PLEKHH2: variants seen among roughly 807,000 people sequenced by gnomAD.
PLEKHH2 encodes the protein pleckstrin homology, MyTH4 and FERM domain containing H2.
PLEKHH2 carries 129 observed loss-of-function variants against 187.9 expected under a neutral mutation model. The ratio of observed to expected loss-of-function variants is 0.69; its 90% CI spans 0.59 to 0.79. The LOEUF is 0.79. Among genes scored for constraint, PLEKHH2 ranks in the 30% least tolerant of loss-of-function variants. The pLI is 0.00. For missense variants in PLEKHH2, 2,076 were observed against 1,751.2 expected (o/e 1.19, Z -3.31); for synonymous variants, 686 against 605.6 (o/e 1.13, Z -1.95).
chr2:43,659,934 T>C (rs998838533), intron 2 of PLEKHH2, among the ~76,000 whole-genome samples: 1 of 152,172 alleles, frequency 6.6e-6, no homozygotes, highest in African/African-American at 2.4e-5. Context: ...TTTGGGTGTT[T>C]AGTTCAAAGA....
intron 1 of PLEKHH2, among the ~76,000 whole-genome samples, chr2:43,639,894 T>C (rs752665751): frequency 6.6e-6 from 1 of 152,120 alleles, no homozygotes; most frequent in Non-Finnish European, 1.5e-5. Flanking sequence ...TGACCTCAGA[T>C]GATCCACCTG....
intron 24 of PLEKHH2, among the ~76,000 whole-genome samples, chr2:43,746,551 C>T (rs571604830): frequency 1.3e-5 from 2 of 151,924 alleles, no homozygotes; most frequent in South Asian, 2.1e-4. Flanking sequence ...CACACACACA[C>T]GCACACAATC....
intron 27 of PLEKHH2, among the ~76,000 whole-genome samples, chr2:43,759,842 A>G (rs1164049952): frequency 6.6e-6 from 1 of 152,228 alleles, no homozygotes; most frequent in Non-Finnish European, 1.5e-5. Flanking sequence ...TGGGCAAGTC[A>G]GGTTACCTCT....
chr2:43,681,322 G>T, intron 3 of PLEKHH2: 4 of 883,326 alleles, frequency 4.5e-6, no homozygotes, highest in South Asian at 1.7e-5. Context: ...TGAGGAATTT[G>T]GTGTTCTCAG....
intron 24 of PLEKHH2, among the ~76,000 whole-genome samples, chr2:43,751,702 G>C (rs1672016375): frequency 6.6e-6 from 1 of 152,198 alleles, no homozygotes; most frequent in Non-Finnish European, 1.5e-5. Context: ...GCCTCTTTAG[G>C]ATTTGGAAGC....
chr2:43,660,535 T>C (rs1201898342), intron 2 of PLEKHH2, among the ~76,000 whole-genome samples: 1 of 148,476 alleles, frequency 6.7e-6, no homozygotes, highest in African/African-American at 2.5e-5. Context: ...TAGTTACATA[T>C]GTATAAATGT....
chr2:43,736,455 A>T (rs146904815), intron 19 of PLEKHH2, among the ~76,000 whole-genome samples: 264 of 152,294 alleles, frequency 1.7e-3, no homozygotes, highest in African/African-American at 6.0e-3. Flanking sequence ...ACTGCTGTGC[A>T]GAGAGGGAGC....
intron 3 of PLEKHH2, among the ~76,000 whole-genome samples, chr2:43,686,289 C>T (rs758981209): frequency 9.2e-5 from 14 of 152,076 alleles, no homozygotes; most frequent in East Asian, 1.9e-4. Context: ...CTCTGCCTCC[C>T]GGGTTCAAGC....
At chr2:43,723,405 G>C (rs1670583182) in intron 16 of PLEKHH2, among the ~76,000 whole-genome samples, 1 of 152,188 alleles carries the variant, frequency 6.6e-6, no homozygotes, top group Non-Finnish European at 1.5e-5. Flanking sequence ...ACTGGACAAA[G>C]TGTAGTAAAT....
At chr2:43,700,662 T>C in intron 8 of PLEKHH2, 54 bp downstream of exon 8, 1 of 1,533,406 alleles carries the variant, frequency 6.5e-7, no homozygotes, top group Non-Finnish European at 8.7e-7. Context: ...CTCAACACTT[T>C]TTTTTTCTGG....
At chr2:43,691,568 G>A (rs1034464264) in intron 3 of PLEKHH2, among the ~76,000 whole-genome samples, 1 of 152,224 alleles carries the variant, frequency 6.6e-6, no homozygotes, top group Non-Finnish European at 1.5e-5. Context: ...ATTTACCAGG[G>A]ACTGTTTCCA....
At chr2:43,711,038 A>T in intron 14 of PLEKHH2, 2 of 990,528 alleles carry the variant, frequency 2.0e-6, no homozygotes, top group Non-Finnish European at 2.4e-6. Flanking sequence ...GAGCAGAGGG[A>T]GTGTGCTGCC....
intron 17 of PLEKHH2, among the ~76,000 whole-genome samples, chr2:43,727,617 A>G (rs1406136734): frequency 6.6e-6 from 1 of 152,186 alleles, no homozygotes; most frequent in Non-Finnish European, 1.5e-5. Flanking sequence ...TATTATTGTT[A>G]CTATTGATCA....
At chr2:43,701,594 C>A (rs1255338667) in intron 8 of PLEKHH2, among the ~76,000 whole-genome samples, 1 of 151,480 alleles carries the variant, frequency 6.6e-6, no homozygotes, top group African/African-American at 2.4e-5. Context: ...ATTTAATTTT[C>A]TTTTTGAGCT....
intron 2 of PLEKHH2, among the ~76,000 whole-genome samples, chr2:43,650,111 G>A (rs978166340): frequency 1.3e-4 from 20 of 149,778 alleles, no homozygotes; most frequent in Admixed American, 1.2e-3. Context: ...CCTGATATGG[G>A]ACCATAGATC....
chr2:43,739,701 C>T lies in PLEKHH2; in HGVS notation c.3123+1181C>T, dbSNP rs149260094. 2.2e-4 allele frequency among the ~76,000 whole-genome samples: 34 copies of T among 152,312 alleles called. No homozygotes were observed. In the East Asian group the frequency reaches 4.6e-3, roughly 21 times the overall value. On this transcript the variant is annotated intron_variant, in intron 20 of 29. Coordinates refer to ENST00000282406, the MANE Select transcript of PLEKHH2 (RefSeq NM_172069.4). ...ACTTTGTCATCTGGCTCCACTGGCCCGCTCTTTCTCCACTTCCTGCCTCCA... is the reference window on the plus strand; with the variant it reads ...ACTTTGTCATCTGGCTCCACTGGCCTGCTCTTTCTCCACTTCCTGCCTCCA...
chr2:43,738,414 C>G lies in PLEKHH2; in HGVS notation c.3017C>G (p.Ala1006Gly), dbSNP rs757122268. The G allele has an allele frequency of 6.2e-7, 1 of 1,614,042 alleles. No homozygotes were observed. Among genetic ancestry groups the G allele is most frequent in the Non-Finnish European group, 8.5e-7 (1 of 1,179,946 alleles). The part of the protein sequence containing the change: ...IDYHISLAQS[A>G]LQICLTHPEL... ...TACCACATATCTTTAGCCCAGAGTG[C>G]TTTGCAAATCTGCCTGACACATCCT... Residue 1006 changes from alanine (A) to glycine (G), a missense_variant, in exon 20 of 30, where the codon GCT becomes GGT. Coordinates refer to ENST00000282406, the MANE Select transcript of PLEKHH2 (RefSeq NM_172069.4).
At chr2:43,732,074 T>G (rs978850256) in intron 19 of PLEKHH2, among the ~76,000 whole-genome samples, 8 of 152,208 alleles carry the variant, frequency 5.3e-5, no homozygotes, top group African/African-American at 1.9e-4. Flanking sequence ...TCTTCAGATT[T>G]CTTTAAGGGC....
chr2:43,758,686 C>T (rs899970297), intron 26 of PLEKHH2, among the ~76,000 whole-genome samples: 7 of 152,040 alleles, frequency 4.6e-5, no homozygotes, highest in Admixed American at 1.3e-4. Flanking sequence ...GCCGAAAACA[C>T]GAATAGTATG....
Sources: allele counts gnomAD v4.1 joint callset (sites outside exome capture counted in the v4.1 genomes callset), GRCh38; gene constraint gnomAD v4.1.1; transcripts MANE v1.5; gene names NCBI Gene and HGNC (gene_info 2026-07-23, HGNC 2026-07-21).